The following ARHGEF38 variants were observed in gnomAD, a reference collection of about 807,000 sequenced individuals.
ARHGEF38 encodes the protein Rho guanine nucleotide exchange factor (GEF) 38.
In ARHGEF38, 79 loss-of-function variants were observed where a neutral mutation model predicts 79.9. That is an observed-to-expected ratio of 0.99 (90% CI 0.82 to 1.19). The LOEUF is 1.19. Ranked by LOEUF, ARHGEF38 falls within the 50% of genes most tolerant of loss-of-function variation. ARHGEF38 has a pLI of 0.00. For synonymous variants in ARHGEF38, 366 were observed against 328.3 expected (o/e 1.11, Z -1.24); for missense variants, 962 against 907.2 (o/e 1.06, Z -0.78).
Position 105,613,462 on chromosome 4 carries a change from T to C in ARHGEF38, c.463T>C (p.Leu155=), listed in dbSNP as rs778625041. The part of the protein sequence containing the change: ...HQISAKLLSL[L]EEATTDVEPA... ...GATATCAGCCAAGCTGCTGTCATTG[T>C]TGGAAGAGGCCACAACAGACGTGGA... Residue 155 remains leucine (L), a synonymous_variant, in exon 3 of 14, where the codon TTG becomes CTG. Coordinates refer to ENST00000420470, the MANE Select transcript of ARHGEF38 (RefSeq NM_001242729.2). 6.2e-7 allele frequency: 1 copy of C among 1,613,400 alleles called. No homozygotes were observed. The highest frequency in any genetic ancestry group is 2.2e-5 in the East Asian group (1 of 44,870).
intron 10 of ARHGEF38, among the ~76,000 whole-genome samples, chr4:105,659,830 A>G (rs1262390107): frequency 2.7e-5 from 4 of 148,522 alleles, no homozygotes; most frequent in Non-Finnish European, 5.9e-5. Flanking sequence ...ATTTTTCCCC[A>G]AGAAAGAGAA....
chr4:105,562,170 G>A (rs6533210), intron 1 of ARHGEF38, among the ~76,000 whole-genome samples: 130,079 of 152,104 alleles, frequency 0.86, 56,071 homozygotes, highest in South Asian at 0.94. Context: ...AAAATAATCA[G>A]TATCCCAAAG....
intron 1 of ARHGEF38, among the ~76,000 whole-genome samples, chr4:105,556,704 G>C (rs1725267416): frequency 6.6e-6 from 1 of 152,014 alleles, no homozygotes; most frequent in African/African-American, 2.4e-5. Context: ...CAGCAGCCCA[G>C]AATACAGTAA....
intron 10 of ARHGEF38, among the ~76,000 whole-genome samples, chr4:105,661,504 ATTATTAT>A (rs1028236580): frequency 8.1e-5 from 12 of 148,180 alleles, no homozygotes; most frequent in Non-Finnish European, 1.5e-4. Flanking sequence ...TATTATTATT[ATTATTAT>A]TATTATTGTT....
chr4:105,585,726 C>CTTTTTTTTTCTTTT (rs1727004707), intron 1 of ARHGEF38, among the ~76,000 whole-genome samples: 1 of 71,504 alleles, frequency 1.4e-5, no homozygotes, highest in African/African-American at 5.7e-5. Context: ...CCCTCCGTTG[C>CTTTTTTTTTCTTTT]TTTTTTTTTT....
chr4:105,572,292 G>A (rs1176305478), intron 1 of ARHGEF38, among the ~76,000 whole-genome samples: 1 of 151,988 alleles, frequency 6.6e-6, no homozygotes, highest in South Asian at 2.1e-4. Flanking sequence ...AAATATTTTA[G>A]TATGCCCAGG....
chr4:105,606,775 T>C (rs1369454979), intron 2 of ARHGEF38, among the ~76,000 whole-genome samples: 1 of 152,108 alleles, frequency 6.6e-6, no homozygotes, highest in Non-Finnish European at 1.5e-5. Context: ...TTAAACTATT[T>C]GAAGTATATA....
In ARHGEF38 at chr4:105,660,237, C is replaced by T. The variant is rs149215280; in HGVS notation, c.1545+872C>T. On this transcript the variant is annotated intron_variant, in intron 10 of 13. Transcript: ENST00000420470. Reference sequence around the variant, plus strand: ...ATACCTGTTCCTCTAGCATCCCATTCGCCACTCTCATCCCCATTTTTGTTA... The same window carrying T: ...ATACCTGTTCCTCTAGCATCCCATTTGCCACTCTCATCCCCATTTTTGTTA... Among the ~76,000 whole-genome samples, 109 of 152,214 alleles carry T rather than the reference C, an allele frequency of 7.2e-4. 2 individuals carry two copies. The East Asian group carries it at 0.021, about 29-fold the overall frequency.
chr4:105,606,411 C>T (rs11730825), intron 2 of ARHGEF38, among the ~76,000 whole-genome samples: 17,810 of 151,930 alleles, frequency 0.12, 1,112 homozygotes, highest in Middle Eastern at 0.2. Flanking sequence ...GTGATTTTGA[C>T]CATCAAATTA....
chr4:105,561,443 TAGAATGGAATAGAATAGAATAGAATAG>T (rs1725560855), intron 1 of ARHGEF38: 1 of 68,078 alleles, frequency 1.5e-5, no homozygotes, highest in African/African-American at 7.1e-5. Context: ...TAGAATAGAA[TAGAATGGAATAGAATAGAATAGAATAG>T]AATAGAATAG....
intron 1 of ARHGEF38, among the ~76,000 whole-genome samples, chr4:105,553,268 A>G (rs1383910280): frequency 2.0e-5 from 3 of 151,938 alleles, no homozygotes; most frequent in African/African-American, 7.3e-5. Context: ...TCTCTACCCA[A>G]CTTAAGAAGT....
At chr4:105,595,617 G>C (rs761437308) in intron 2 of ARHGEF38, among the ~76,000 whole-genome samples, 2 of 151,828 alleles carry the variant, frequency 1.3e-5, no homozygotes, top group African/African-American at 4.8e-5. Context: ...CAGTATCTAC[G>C]GGGCACTGGC....
chr4:105,628,261 G>A (rs777570416), intron 3 of ARHGEF38, among the ~76,000 whole-genome samples: 1 of 152,096 alleles, frequency 6.6e-6, no homozygotes, highest in African/African-American at 2.4e-5. Flanking sequence ...CTTCTTTGTA[G>A]TAAGCACACT....
chr4:105,602,052 T>C (rs1354204972), intron 2 of ARHGEF38, among the ~76,000 whole-genome samples: 1 of 152,122 alleles, frequency 6.6e-6, no homozygotes, highest in Non-Finnish European at 1.5e-5. Context: ...AATGAGTGGA[T>C]GAACAACTTC....
intron 1 of ARHGEF38, among the ~76,000 whole-genome samples, chr4:105,566,196 C>T (rs1401989572): frequency 6.6e-6 from 1 of 152,208 alleles, no homozygotes; most frequent in Non-Finnish European, 1.5e-5. Flanking sequence ...ACTTGTACTT[C>T]AGCTGCACTA....
In ARHGEF38 at chr4:105,552,969, A is replaced by G. The variant is rs2110380065; in HGVS notation, c.196+8A>G. On this transcript the variant is annotated splice_region_variant and intron_variant, in intron 1 of 13. Transcript: ENST00000420470. Reference sequence around the variant, plus strand: ...ACAACCAGAAATTACAAGGTAACCAAAAAGAAATCAATTGTCCCAGTTACT... The same window carrying G: ...ACAACCAGAAATTACAAGGTAACCAGAAAGAAATCAATTGTCCCAGTTACT... The G allele has an allele frequency of 6.3e-7, 1 of 1,599,722 alleles. No individual in the cohort carries two copies. The highest frequency in any genetic ancestry group is 8.5e-7 in the Non-Finnish European group (1 of 1,173,686).
intron 8 of ARHGEF38, 54 bp from the exon 9 acceptor site, chr4:105,655,549 A>C (rs1454680515): frequency 6.6e-7 from 1 of 1,522,130 alleles, no homozygotes; most frequent in African/African-American, 1.4e-5. Flanking sequence ...GGGATATGTT[A>C]ATTATACTGA....
Position 105,631,061 on chromosome 4 carries a change from A to G in ARHGEF38, c.656+16A>G, listed in dbSNP as rs1396448648. ...AGTCCTTAAAGTAAGGCCTTTTCAA[A>G]TGATGATTCCCATCTCCTCTCAGTT... On this transcript the variant is annotated intron_variant, in intron 4 of 13. Transcript: ENST00000420470. 12 of 1,599,170 alleles carry G rather than the reference A, an allele frequency of 7.5e-6. No individual in the cohort carries two copies. Among genetic ancestry groups the G allele is most frequent in the Non-Finnish European group, 9.4e-6 (11 of 1,175,270 alleles).
intron 7 of ARHGEF38, among the ~76,000 whole-genome samples, chr4:105,649,518 G>A (rs1447102): frequency 1.3e-5 from 2 of 152,336 alleles, no homozygotes; most frequent in South Asian, 2.1e-4. Flanking sequence ...ATGGTCCTGA[G>A]ATGGTAATAT....
Sources: gnomAD v4.1 joint callset for allele counts (sites outside exome capture counted in the v4.1 genomes callset) on GRCh38, gnomAD v4.1.1 for gene constraint, MANE v1.5 for transcripts, NCBI Gene and HGNC (gene_info 2026-07-23, HGNC 2026-07-21) for gene names.